Variants in INTS11 observed in about 807,000 individuals in gnomAD.
INTS11 encodes the protein integrator complex subunit 11.
Under a neutral mutation model 78.6 loss-of-function variants are expected in INTS11, and 77 were observed. The ratio of observed to expected loss-of-function variants is 0.98; its 90% CI spans 0.81 to 1.18. The LOEUF (loss-of-function observed/expected upper bound fraction) is 1.18, where lower values mean the gene tolerates loss of function less well. INTS11 is among the 50% of genes most tolerant of loss of function. INTS11 has a pLI of 0.00. For missense variants in INTS11, 875 were observed against 825.9 expected, an observed-to-expected ratio of 1.06 and a Z score of -0.73; for synonymous variants, 441 against 326.9, an observed-to-expected ratio of 1.35 and a Z score of -3.77.
At chr1:1,319,232 C>G (rs530675219) in intron 4 of INTS11, 64 bp downstream of exon 4, 1 of 1,348,844 alleles carries the variant, frequency 7.4e-7, no homozygotes, top group Non-Finnish European at 1.1e-6. Flanking sequence ...GTAGAACGGG[C>G]GGAGGGCATG....
rs371706784 is a variant in INTS11, at chr1:1,315,688, G to A, written c.430-70C>T. 4.9e-5 allele frequency: 27 copies of A among 547,070 alleles called. No individual in the cohort carries two copies. In the East Asian group the frequency reaches 5.5e-4, roughly 11 times the overall value. 33.9% of individuals were successfully genotyped at this position (547,070 alleles called of 1,614,324 possible). ...GGGGCGGGGAGTGAGGGAGGCGGGG[G>A]ACGGGAAGCGCGGGAGGCGGGGGTG... On this transcript the variant is annotated intron_variant, in intron 4 of 16. Coordinates refer to ENST00000435064, the MANE Select transcript of INTS11 (RefSeq NM_017871.6).
At chr1:1,315,083 A>G (rs1642496962) in intron 6 of INTS11, 121 bp from the exon 7 acceptor site, 51 of 1,262,158 alleles carry the variant, frequency 4.0e-5, no homozygotes, top group Non-Finnish European at 5.5e-5. Context: ...TCTGGCTGGA[A>G]AGAGCCAGCT....
At chr1:1,315,094 G>A (rs1336223025) in intron 6 of INTS11, 132 bp from the exon 7 acceptor site, 3 of 1,157,318 alleles carry the variant, frequency 2.6e-6, no homozygotes, top group Non-Finnish European at 2.4e-6. Flanking sequence ...AGAGCCAGCT[G>A]GTAAAATGCT....
At chr1:1,322,246 C>A (rs1457123610) in intron 1 of INTS11, among the ~76,000 whole-genome samples, 1 of 151,732 alleles carries the variant, frequency 6.6e-6, no homozygotes. Flanking sequence ...AATTCCAAAG[C>A]CCAGTCCTGA....
rs757313978 is a variant in INTS11, at chr1:1,313,607, G to C, written c.958-15C>G. 1.3e-5 allele frequency: 21 copies of C among 1,612,694 alleles called. 2 individuals carry two copies. In the South Asian group the frequency reaches 1.8e-4, roughly 13 times the overall value. ...GCAAACACAACCTACAGGACACACA[G>C]GGCCAGGTGGGGGGTCAGGGCAGCA... On this transcript the variant is annotated splice_polypyrimidine_tract_variant and intron_variant, in intron 9 of 16. Transcript: ENST00000435064.
intron 1 of INTS11, 51 bp from the exon 2 acceptor site, chr1:1,321,144 C>T: frequency 1.4e-6 from 2 of 1,442,600 alleles, no homozygotes; most frequent in Non-Finnish European, 1.9e-6. Context: ...GCCCCCTGTG[C>T]TGCCTCCCCA....
chr1:1,313,343 G>A, intron 10 of INTS11, 166 bp downstream of exon 10: 2 of 904,708 alleles, frequency 2.2e-6, no homozygotes. Context: ...CTGTGTCACA[G>A]AGACTGAGCA....
rs185049027 is a variant in INTS11 at position 1,319,255 on chromosome 1, G to A, written c.429+41C>T. ...GGCGGAGGGCATGGTTGGTGTGGGG[G>A]TGGGCAGTGACTGTGCCAGCTGTGG... On this transcript the variant is annotated intron_variant, in intron 4 of 16. Coordinates refer to ENST00000435064, the MANE Select transcript of INTS11 (RefSeq NM_017871.6). 9.5e-4 allele frequency: 1,432 copies of A among 1,504,374 alleles called. 4 individuals carry two copies. Among genetic ancestry groups the A allele is most frequent in the Non-Finnish European group, 1.2e-3 (1,250 of 1,080,872 alleles). The allele number at this position is 1,504,374 out of a possible 1,614,324, so 93.2% of individuals were successfully genotyped here. A position where few individuals can be genotyped will look rare whatever the true frequency, so the allele number is the denominator to read the frequency against.
rs1642426597 is a variant in INTS11 at position 1,314,137 on chromosome 1, G to A, written c.767+164C>T. Reference sequence around the variant, plus strand: ...GAGCCGCACACGGTGGCGCTGACGGGATGTCACAGGCTTCCTGGGGTCACA... The same window carrying A: ...GAGCCGCACACGGTGGCGCTGACGGAATGTCACAGGCTTCCTGGGGTCACA... On this transcript the variant is annotated intron_variant, in intron 8 of 16. Transcript: ENST00000435064. This position sits in a 1 kb window ranked among gnomAD's most constrained non-coding sequence, Gnocchi z 4.2. 1.3e-6 allele frequency: 1 copy of A among 793,216 alleles called. No homozygotes were observed. The allele number at this position is 793,216 out of a possible 1,614,324, so 49.1% of individuals were successfully genotyped here.
At chr1:1,321,189 G>A (rs1441446171) in intron 1 of INTS11, 96 bp from the exon 2 acceptor site, 8 of 921,968 alleles carry the variant, frequency 8.7e-6, no homozygotes, top group African/African-American at 1.6e-5. Context: ...GAGGAAACCG[G>A]ACCAAGTCTG....
chr1:1,322,003 C>G (rs1352884873), intron 1 of INTS11: 2 of 1,325,112 alleles, frequency 1.5e-6, no homozygotes, highest in South Asian at 3.9e-5. Context: ...GAGAGGGGAT[C>G]TCAGGTTCTC....
chr1:1,323,033 A>C lies in INTS11; in HGVS notation c.28+1548T>G, dbSNP rs1410193764. On this transcript the variant is annotated intron_variant, in intron 1 of 16. Transcript: ENST00000435064. ...CCAAATGGGAAAGGGGCAGGCTGGGAGGACCCCACGGAGGACCCAGAGAGC... is the reference window on the plus strand; with the variant it reads ...CCAAATGGGAAAGGGGCAGGCTGGGCGGACCCCACGGAGGACCCAGAGAGC... The C allele has an allele frequency of 2.8e-6, 4 of 1,414,396 alleles. No homozygotes were observed. The African/African-American group carries it at 4.3e-5, about 15-fold the overall frequency. 87.6% of individuals were successfully genotyped at this position (1,414,396 alleles called of 1,614,324 possible).
At chr1:1,324,391 C>A (rs1482985256) in intron 1 of INTS11, among the ~76,000 whole-genome samples, 190 bp downstream of exon 1, 3 of 152,166 alleles carry the variant, frequency 2.0e-5, no homozygotes, top group African/African-American at 7.2e-5. Flanking sequence ...TCTCGCGTCA[C>A]TGCCGGAGGC....
rs201299443 is a variant in INTS11 at position 1,321,047 on chromosome 1, C to T, written c.75G>A (p.Ala25=). The change falls in exon 2 of 17, where the codon GCG becomes GCA. Residue 25 remains alanine (A), a synonymous_variant. Coordinates refer to ENST00000435064, the MANE Select transcript of INTS11 (RefSeq NM_017871.6). ...VGRSCILVSI[A]GKNVMLDCGM... is the part of the protein sequence containing the mutation. Reference sequence around the variant, plus strand: ...CACAGTCCAGCATGACATTCTTGCCCGCAATGGAGACCAGGATGCAGCTTC... The same window carrying T: ...CACAGTCCAGCATGACATTCTTGCCTGCAATGGAGACCAGGATGCAGCTTC... 3.1e-6 allele frequency: 5 copies of T among 1,613,066 alleles called. No homozygotes were observed. The highest frequency in any genetic ancestry group is 2.2e-5 in the East Asian group (1 of 44,892).
In INTS11 at chr1:1,312,210, G is replaced by GGGGGGGGGGGGC; in HGVS notation, c.1607+15_1607+16insGCCCCCCCCCCC. Reference sequence around the variant, plus strand: ...GGGCCCAAGGGAGTGGGGGGGGGGCGGGGCCGGGCGCCCACCTCTTGAGGT... The same window carrying GGGGGGGGGGGGC: ...GGGCCCAAGGGAGTGGGGGGGGGGCGGGGGGGGGGGGCGGGCCGGGCGCCCACCTCTTGAGGT... On this transcript the variant is annotated intron_variant, in intron 15 of 16. Coordinates refer to ENST00000435064, the MANE Select transcript of INTS11 (RefSeq NM_017871.6). 1 of 912,994 alleles carries GGGGGGGGGGGGC rather than the reference G, an allele frequency of 1.1e-6. No homozygotes were observed. Among genetic ancestry groups the GGGGGGGGGGGGC allele is most frequent in the South Asian group, 1.5e-5 (1 of 66,790 alleles). 56.6% of individuals were successfully genotyped at this position (912,994 alleles called of 1,614,324 possible). A position where few individuals can be genotyped will look rare whatever the true frequency, so the allele number is the denominator to read the frequency against.
chr1:1,322,045 G>C (rs1397496816), intron 1 of INTS11: 1 of 1,118,972 alleles, frequency 8.9e-7, no homozygotes, highest in Non-Finnish European at 1.2e-6. Flanking sequence ...CGCTGGGTGT[G>C]AGCTCTCTGA....
At chr1:1,316,262 A>G (rs1382295007) in intron 4 of INTS11, 4 of 154,354 alleles carry the variant, frequency 2.6e-5, no homozygotes, top group African/African-American at 4.8e-5. Context: ...AGCCTGGGCA[A>G]TGGGGCGGGA....
chr1:1,321,191 C>G, intron 1 of INTS11, 98 bp from the exon 2 acceptor site: 1 of 914,046 alleles, frequency 1.1e-6, no homozygotes, highest in South Asian at 1.5e-5. Flanking sequence ...GGAAACCGGA[C>G]CAAGTCTGCT....
intron 4 of INTS11, chr1:1,319,080 T>C: frequency 1.4e-6 from 1 of 726,258 alleles, no homozygotes; most frequent in South Asian, 1.4e-5. Context: ...ACCCCCACCC[T>C]GCACGTGCTC....
Sources: gnomAD v4.1 joint callset for allele counts (sites outside exome capture counted in the v4.1 genomes callset) on GRCh38, gnomAD v4.1.1 for gene constraint, Gnocchi (gnomAD v3.1) non-coding constraint, MANE v1.5 for transcripts, NCBI Gene and HGNC (gene_info 2026-07-23, HGNC 2026-07-21) for gene names.